Variants in SAMTOR observed in about 807,000 individuals in gnomAD.
The protein encoded by SAMTOR is UPF0532 protein C7orf60.
the SAMTOR span, among the ~76,000 whole-genome samples, chr7:112,879,508 C>T: frequency 6.6e-6 from 1 of 152,104 alleles, no homozygotes; most frequent in African/African-American, 2.4e-5. Flanking sequence ...AAGGAGAATA[C>T]AGAAGTTGAT....
chr7:112,939,486 G>C, the SAMTOR span: 20 of 1,548,852 alleles, frequency 1.3e-5, no homozygotes, highest in Non-Finnish European at 1.7e-5. Context: ...GGGACGTGCA[G>C]ATCCTTTACA....
the SAMTOR span, among the ~76,000 whole-genome samples, chr7:112,907,326 T>C: frequency 1.3e-5 from 2 of 152,102 alleles, no homozygotes; most frequent in Non-Finnish European, 2.9e-5. Flanking sequence ...AAGACCAAAT[T>C]TGACTTTTAA....
At chr7:112,862,793 G>A in the SAMTOR span, among the ~76,000 whole-genome samples, 2 of 152,040 alleles carry the variant, frequency 1.3e-5, no homozygotes, top group African/African-American at 4.8e-5. Context: ...GCAGGGTGTG[G>A]TGGAAGACAC....
the SAMTOR span, among the ~76,000 whole-genome samples, chr7:112,840,109 G>T: frequency 1.3e-5 from 2 of 152,018 alleles, no homozygotes; most frequent in African/African-American, 4.8e-5. Context: ...AACACCCAGA[G>T]ATTCTGATTT....
chr7:112,824,163 C>T, the SAMTOR span, among the ~76,000 whole-genome samples: 1 of 152,068 alleles, frequency 6.6e-6, no homozygotes, highest in African/African-American at 2.4e-5. Context: ...CTTTGAAGAG[C>T]TGAAGTTTTA....
the SAMTOR span, among the ~76,000 whole-genome samples, chr7:112,905,420 C>T: frequency 6.6e-6 from 1 of 152,074 alleles, no homozygotes; most frequent in African/African-American, 2.4e-5. Flanking sequence ...CTGTTCCAAA[C>T]CATAGAAACA....
the SAMTOR span, among the ~76,000 whole-genome samples, chr7:112,852,598 A>AT: frequency 7.2e-5 from 11 of 152,140 alleles, no homozygotes; most frequent in African/African-American, 7.2e-5. Context: ...TATTCAAATA[A>AT]TAAAAAAGTA....
the SAMTOR span, among the ~76,000 whole-genome samples, chr7:112,934,728 A>G: frequency 6.6e-6 from 1 of 152,214 alleles, no homozygotes; most frequent in South Asian, 2.1e-4. Context: ...TCCAAAGATT[A>G]TACTGATGTG....
At chr7:112,899,470 T>C in the SAMTOR span, among the ~76,000 whole-genome samples, 2 of 152,226 alleles carry the variant, frequency 1.3e-5, no homozygotes, top group East Asian at 1.9e-4. Flanking sequence ...CTAAGAGTTA[T>C]TGGCCTTAAA....
At chr7:112,822,809 G>C in the SAMTOR span, among the ~76,000 whole-genome samples, 1 of 151,916 alleles carries the variant, frequency 6.6e-6, no homozygotes, top group Non-Finnish European at 1.5e-5. Flanking sequence ...TAATGAAAGA[G>C]GCATTATAAA....
the SAMTOR span, chr7:112,895,766 T>G: frequency 4.1e-6 from 6 of 1,458,262 alleles, no homozygotes; most frequent in Non-Finnish European, 5.6e-6. Context: ...AGTTGTATTT[T>G]AACATACTGT....
the SAMTOR span, chr7:112,832,681 A>C: frequency 1.3e-6 from 2 of 1,500,552 alleles, no homozygotes; most frequent in African/African-American, 2.8e-5. Context: ...GCAACCTAAA[A>C]ACAGATATTT....
At chr7:112,832,328 T>C in the SAMTOR span, among the ~76,000 whole-genome samples, 1 of 152,146 alleles carries the variant, frequency 6.6e-6, no homozygotes, top group African/African-American at 2.4e-5. Context: ...GTTTCTTAAT[T>C]GCAATGATTT....
chr7:112,855,689 T>C, the SAMTOR span, among the ~76,000 whole-genome samples: 6 of 152,128 alleles, frequency 3.9e-5, no homozygotes, highest in Admixed American at 6.6e-5. Flanking sequence ...CACCCTCTTT[T>C]CCCCTCCTCT....
chr7:112,920,287 G>A, the SAMTOR span, among the ~76,000 whole-genome samples: 1 of 152,182 alleles, frequency 6.6e-6, no homozygotes, highest in South Asian at 2.1e-4. Flanking sequence ...ATGCAAGGCT[G>A]GTTCAATACA....
the SAMTOR span, chr7:112,821,672 A>C: frequency 7.1e-7 from 1 of 1,403,930 alleles, no homozygotes; most frequent in East Asian, 2.3e-5. Flanking sequence ...TACTGAGTTC[A>C]TGTTAGTATT....
the SAMTOR span, among the ~76,000 whole-genome samples, chr7:112,827,413 T>C: frequency 6.6e-6 from 1 of 152,342 alleles, no homozygotes; most frequent in South Asian, 2.1e-4. Flanking sequence ...TTATTAGCCT[T>C]GTTGGCTGAT....
chr7:112,909,785 A>C, the SAMTOR span, among the ~76,000 whole-genome samples: 1 of 151,930 alleles, frequency 6.6e-6, no homozygotes, highest in Non-Finnish European at 1.5e-5. Context: ...TATAAAACAA[A>C]GTTGTTAAGC....
chr7:112,822,129 G>A, the SAMTOR span: 2 of 1,613,858 alleles, frequency 1.2e-6, no homozygotes, highest in Non-Finnish European at 1.7e-6. Context: ...GGAGGAATCA[G>A]GTGTGATGAT....
Sources: gnomAD v4.1 joint callset for allele counts (sites outside exome capture counted in the v4.1 genomes callset) on GRCh38, gnomAD v4.1.1 for gene constraint, MANE v1.5 for transcripts, NCBI Gene and HGNC (gene_info 2026-07-23, HGNC 2026-07-21) for gene names.